Variants in PDGFC observed in about 807,000 individuals in gnomAD.
PDGFC encodes platelet-derived growth factor C.
In PDGFC, 12 loss-of-function variants were observed where a neutral mutation model predicts 35.5. The ratio of observed to expected loss-of-function variants is 0.34; its 90% CI spans 0.22 to 0.55. PDGFC has a LOEUF of 0.55. Among genes scored for constraint, PDGFC ranks in the 20% least tolerant of loss-of-function variants. The pLI, the probability that PDGFC is intolerant of heterozygous loss-of-function variation, is 0.91. For missense variants in PDGFC, 322 were observed against 412.4 expected (o/e 0.78, Z 1.90); for synonymous variants, 159 against 148.8 (o/e 1.07, Z -0.50).
chr4:156,808,522 C>T (rs528610086), intron 3 of PDGFC, among the ~76,000 whole-genome samples: 1 of 151,848 alleles, frequency 6.6e-6, no homozygotes, highest in African/African-American at 2.4e-5. Context: ...GGGACCCTTG[C>T]CCCTGAGCAA....
At chr4:156,765,463 A>G (rs1039602442) in intron 5 of PDGFC, among the ~76,000 whole-genome samples, 1 of 152,192 alleles carries the variant, frequency 6.6e-6, no homozygotes, top group African/African-American at 2.4e-5. Context: ...ATGCTCATGG[A>G]CCATTGCTCA....
At chr4:156,824,173 C>A (rs1560827270) in intron 2 of PDGFC, among the ~76,000 whole-genome samples, 1 of 151,424 alleles carries the variant, frequency 6.6e-6, no homozygotes, top group Non-Finnish European at 1.5e-5. Context: ...TTGCACTACA[C>A]TGTGAGCAAA....
At chr4:156,898,313 C>A (rs1730684129) in intron 1 of PDGFC, among the ~76,000 whole-genome samples, 2 of 152,094 alleles carry the variant, frequency 1.3e-5, no homozygotes, top group Non-Finnish European at 2.9e-5. Context: ...TGTGTATAAG[C>A]CACCCTTTCT....
At chr4:156,949,421 G>A (rs565050595) in intron 1 of PDGFC, among the ~76,000 whole-genome samples, 20 of 151,748 alleles carry the variant, frequency 1.3e-4, no homozygotes, top group Middle Eastern at 3.4e-3. Context: ...AAAGTAGTAT[G>A]TGTGTGTGTC....
At chr4:156,959,267 A>T (rs766844388) in intron 1 of PDGFC, among the ~76,000 whole-genome samples, 36 of 152,092 alleles carry the variant, frequency 2.4e-4, no homozygotes, top group Admixed American at 5.9e-4. Context: ...ACAAACAAAT[A>T]AACAAAAAAT....
At chr4:156,879,151 A>G (rs1260786408) in intron 1 of PDGFC, among the ~76,000 whole-genome samples, 2 of 152,050 alleles carry the variant, frequency 1.3e-5, no homozygotes, top group Non-Finnish European at 2.9e-5. Context: ...CTCCTGGGGG[A>G]TTCTTTATTG....
intron 1 of PDGFC, among the ~76,000 whole-genome samples, chr4:156,882,726 C>G (rs545310516): frequency 6.6e-6 from 1 of 152,132 alleles, no homozygotes; most frequent in African/African-American, 2.4e-5. Flanking sequence ...ATTTTAAGCA[C>G]AAGTTTGAGT....
At chr4:156,812,255 G>A (rs1053309408) in intron 2 of PDGFC, among the ~76,000 whole-genome samples, 4 of 151,340 alleles carry the variant, frequency 2.6e-5, no homozygotes, top group African/African-American at 7.3e-5. Context: ...TGTTACATTC[G>A]CAATGAGTCG....
chr4:156,915,471 A>G (rs1249251147), intron 1 of PDGFC, among the ~76,000 whole-genome samples: 1 of 152,164 alleles, frequency 6.6e-6, no homozygotes, highest in East Asian at 1.9e-4. Context: ...TCCTCAAGGA[A>G]CCCACTGAAC....
At chr4:156,939,927 T>C (rs1464810158) in intron 1 of PDGFC, among the ~76,000 whole-genome samples, 1 of 152,096 alleles carries the variant, frequency 6.6e-6, no homozygotes, top group Non-Finnish European at 1.5e-5. Context: ...TGGTAAACAA[T>C]TGCAGTTGCT....
intron 4 of PDGFC, among the ~76,000 whole-genome samples, chr4:156,771,731 G>A (rs1730698377): frequency 6.6e-6 from 1 of 152,142 alleles, no homozygotes; most frequent in Non-Finnish European, 1.5e-5. Context: ...AGCAAGTCTG[G>A]TGCAATCTGC....
chr4:156,891,348 C>T (rs1000488202), intron 1 of PDGFC, among the ~76,000 whole-genome samples: 4 of 136,918 alleles, frequency 2.9e-5, no homozygotes, highest in African/African-American at 1.1e-4. Flanking sequence ...TGTTATTATC[C>T]TATGGGACCA....
At chr4:156,902,563 T>G (rs890573032) in intron 1 of PDGFC, among the ~76,000 whole-genome samples, 1 of 152,236 alleles carries the variant, frequency 6.6e-6, no homozygotes, top group Non-Finnish European at 1.5e-5. Context: ...ACTATAAGAA[T>G]CACATGCAAT....
intron 2 of PDGFC, among the ~76,000 whole-genome samples, chr4:156,849,807 T>A (rs1729409754): frequency 6.6e-6 from 1 of 152,106 alleles, no homozygotes; most frequent in Non-Finnish European, 1.5e-5. Flanking sequence ...TAGAACTTTT[T>A]CTTTCAGTAG....
At chr4:156,831,102 T>C (rs1728921823) in intron 2 of PDGFC, among the ~76,000 whole-genome samples, 1 of 152,168 alleles carries the variant, frequency 6.6e-6, no homozygotes, top group African/African-American at 2.4e-5. Context: ...TATATGACTG[T>C]TGAGTGATGG....
chr4:156,874,801 C>T (rs1374274427), intron 1 of PDGFC, among the ~76,000 whole-genome samples: 1 of 151,876 alleles, frequency 6.6e-6, no homozygotes, highest in East Asian at 1.9e-4. Context: ...ACTGCAACCT[C>T]TACCTATGGG....
chr4:156,947,133 T>A (rs1316059603), intron 1 of PDGFC, among the ~76,000 whole-genome samples: 2 of 151,876 alleles, frequency 1.3e-5, no homozygotes, highest in Non-Finnish European at 2.9e-5. Flanking sequence ...GGATTCTAGC[T>A]CCTAAGAAGT....
At chr4:156,913,798 TC>T (rs1486970404) in intron 1 of PDGFC, among the ~76,000 whole-genome samples, 1 of 152,174 alleles carries the variant, frequency 6.6e-6, no homozygotes, top group Non-Finnish European at 1.5e-5. Context: ...GTTCCACCTC[TC>T]TAATGGCCCC....
At chr4:156,766,950 T>C (rs901900385) in intron 5 of PDGFC, among the ~76,000 whole-genome samples, 1 of 152,136 alleles carries the variant, frequency 6.6e-6, no homozygotes, top group Non-Finnish European at 1.5e-5. Flanking sequence ...TTGTTCTGTA[T>C]TCTTATTTAA....
Sources: gnomAD v4.1 joint callset for allele counts (sites outside exome capture counted in the v4.1 genomes callset) on GRCh38, gnomAD v4.1.1 for gene constraint, MANE v1.5 for transcripts, NCBI Gene and HGNC (gene_info 2026-07-23, HGNC 2026-07-21) for gene names.